RBMS3: variants seen among roughly 807,000 people sequenced by gnomAD.
RBMS3 encodes RNA-binding motif, single-stranded-interacting protein 3.
Under a neutral mutation model 66.8 loss-of-function variants are expected in RBMS3, and 27 were observed. That is an observed-to-expected ratio of 0.40 (90% CI 0.30 to 0.56). RBMS3 has a LOEUF of 0.56. RBMS3 is among the 20% of genes least tolerant of loss of function. RBMS3 has a pLI of 0.40. For missense variants in RBMS3, 513 were observed against 549.5 expected, an observed-to-expected ratio of 0.93 and a Z score of 0.66; for synonymous variants, 188 against 183.0, an observed-to-expected ratio of 1.03 and a Z score of -0.22.
intron 4 of RBMS3, among the ~76,000 whole-genome samples, chr3:29,739,175 C>T (rs980076578): frequency 2.6e-5 from 4 of 152,032 alleles, no homozygotes; most frequent in Non-Finnish European, 4.4e-5. Flanking sequence ...ATTGGTCGGC[C>T]GGACGTGATG....
intron 10 of RBMS3, among the ~76,000 whole-genome samples, chr3:29,918,588 C>A (rs2060694894): frequency 6.6e-6 from 1 of 152,048 alleles, no homozygotes; most frequent in South Asian, 2.1e-4. Flanking sequence ...TTCATAATCA[C>A]TGAATAAGAC....
In RBMS3 at chr3:30,006,783, C is replaced by T. The variant is rs1191068399; in HGVS notation, c.*2921C>T. On this transcript the variant is annotated 3_prime_UTR_variant, in exon 15 of 15. Coordinates refer to ENST00000383767, the MANE Select transcript of RBMS3 (RefSeq NM_001003793.3). Reference sequence around the variant, plus strand: ...TGATACAAAGAAAGTCTCATTCACACAATCAACAATGAGGCTAAGAGGTAG... The same window carrying T: ...TGATACAAAGAAAGTCTCATTCACATAATCAACAATGAGGCTAAGAGGTAG... The T allele has an allele frequency of 6.6e-6, 1 of 151,966 alleles. No individual in the cohort carries two copies. The highest frequency in any genetic ancestry group is 1.5e-5 in the Non-Finnish European group (1 of 67,918). 9.4% of individuals were successfully genotyped at this position (151,966 alleles called of 1,614,324 possible). A position where few individuals can be genotyped will look rare whatever the true frequency, so the allele number is the denominator to read the frequency against.
intron 3 of RBMS3, among the ~76,000 whole-genome samples, chr3:29,489,277 T>C (rs1159725552): frequency 6.6e-6 from 1 of 152,096 alleles, no homozygotes; most frequent in Non-Finnish European, 1.5e-5. Context: ...TATACAAACA[T>C]AATGTGCACA....
intron 6 of RBMS3, among the ~76,000 whole-genome samples, chr3:29,798,930 T>G (rs1053334882): frequency 1.5e-4 from 3 of 19,608 alleles, no homozygotes; most frequent in South Asian, 8.5e-4. Flanking sequence ...TACCCTCTGG[T>G]TTTTTTTTTT....
chr3:29,282,923 CTTTG>C (rs1373901066), intron 1 of RBMS3, among the ~76,000 whole-genome samples: 2 of 152,132 alleles, frequency 1.3e-5, no homozygotes, highest in East Asian at 3.9e-4. Flanking sequence ...AAGATTATTG[CTTTG>C]TTTTTTTCTT....
chr3:29,799,962 C>T (rs1418452722), intron 6 of RBMS3, among the ~76,000 whole-genome samples: 1 of 152,158 alleles, frequency 6.6e-6, no homozygotes, highest in African/African-American at 2.4e-5. Context: ...TCATCATGGA[C>T]AACTTCATCA....
chr3:29,539,745 T>G (rs1389605558), intron 3 of RBMS3, among the ~76,000 whole-genome samples: 1 of 152,214 alleles, frequency 6.6e-6, no homozygotes, highest in Non-Finnish European at 1.5e-5. Flanking sequence ...TATTAAAGAC[T>G]GACAAGACAT....
chr3:29,759,916 A>C (rs1199053862), intron 5 of RBMS3, among the ~76,000 whole-genome samples: 1 of 152,060 alleles, frequency 6.6e-6, no homozygotes, highest in Admixed American at 6.6e-5. Context: ...TTTGACACTA[A>C]GCGCCGGCAG....
At chr3:29,884,356 T>A in intron 8 of RBMS3, 148 bp downstream of exon 8, 1 of 701,442 alleles carries the variant, frequency 1.4e-6, no homozygotes, top group East Asian at 2.8e-5. Context: ...TCATTATAGT[T>A]TTTTTCATCC....
chr3:29,629,300 A>T (rs1036283956), intron 4 of RBMS3, among the ~76,000 whole-genome samples: 5 of 152,124 alleles, frequency 3.3e-5, no homozygotes, highest in Admixed American at 2.0e-4. Flanking sequence ...GGCTATTTTA[A>T]TGAGGGCAAA....
chr3:29,950,689 C>T (rs918522774), intron 12 of RBMS3, among the ~76,000 whole-genome samples: 9 of 151,800 alleles, frequency 5.9e-5, no homozygotes, highest in African/African-American at 2.2e-4. Flanking sequence ...TAAAATTGGA[C>T]ATCCCTATTG....
chr3:29,722,590 T>G (rs1013043914), intron 4 of RBMS3, among the ~76,000 whole-genome samples: 4 of 152,162 alleles, frequency 2.6e-5, no homozygotes, highest in African/African-American at 9.7e-5. Context: ...GGATTCAATC[T>G]AGGATCAAAT....
intron 1 of RBMS3, among the ~76,000 whole-genome samples, chr3:29,300,383 A>G (rs1303877235): frequency 6.6e-6 from 1 of 152,000 alleles, no homozygotes; most frequent in East Asian, 1.9e-4. Flanking sequence ...TGCTTTTAAC[A>G]GAGAAGATTA....
At chr3:29,627,941 G>T (rs2049132207) in intron 4 of RBMS3, among the ~76,000 whole-genome samples, 1 of 152,094 alleles carries the variant, frequency 6.6e-6, no homozygotes. Context: ...CCAGTGTAGA[G>T]AAACCACCAT....
chr3:29,852,441 T>A (rs975301414), intron 6 of RBMS3, among the ~76,000 whole-genome samples: 6 of 152,134 alleles, frequency 3.9e-5, no homozygotes, highest in African/African-American at 1.4e-4. Context: ...TTGAGCATCT[T>A]TAAGAAACTT....
intron 4 of RBMS3, among the ~76,000 whole-genome samples, chr3:29,615,428 A>C (rs976760377): frequency 3.3e-5 from 5 of 151,970 alleles, no homozygotes; most frequent in Admixed American, 3.3e-4. Flanking sequence ...TTTCCAAAAA[A>C]TTTAATGAGA....
At chr3:29,726,429 G>C (rs1045885010) in intron 4 of RBMS3, among the ~76,000 whole-genome samples, 3 of 152,160 alleles carry the variant, frequency 2.0e-5, no homozygotes, top group Non-Finnish European at 4.4e-5. Context: ...GTCTCTGTTT[G>C]CAGATGACGT....
chr3:29,612,213 A>G (rs959312348), intron 4 of RBMS3, among the ~76,000 whole-genome samples: 6 of 152,102 alleles, frequency 3.9e-5, no homozygotes, highest in African/African-American at 1.4e-4. Flanking sequence ...ATAAGCATAT[A>G]TATGTAAATA....
intron 1 of RBMS3, among the ~76,000 whole-genome samples, chr3:29,395,294 A>T (rs1323367131): frequency 6.6e-6 from 1 of 152,200 alleles, no homozygotes; most frequent in Non-Finnish European, 1.5e-5. Flanking sequence ...AACTGACAAT[A>T]CCCACAAGGA....
Sources: allele counts gnomAD v4.1 joint callset (sites outside exome capture counted in the v4.1 genomes callset), GRCh38; gene constraint gnomAD v4.1.1; transcripts MANE v1.5; gene names NCBI Gene and HGNC (gene_info 2026-07-23, HGNC 2026-07-21).